AFF3: variants seen among roughly 807,000 people sequenced by gnomAD.
The protein encoded by AFF3 is AF4/FMR2 family member 3.
AFF3 carries 32 observed loss-of-function variants against 129.7 expected under a neutral mutation model. That is an observed-to-expected ratio of 0.25 (90% CI 0.19 to 0.33). The LOEUF is 0.33. Among genes scored for constraint, AFF3 ranks in the 10% least tolerant of loss-of-function variants. The pLI is 1.00. For missense variants in AFF3, 1,373 were observed against 1,592.0 expected, an observed-to-expected ratio of 0.86 and a Z score of 2.34; for synonymous variants, 644 against 635.4, an observed-to-expected ratio of 1.01 and a Z score of -0.20.
intron 8 of AFF3, among the ~76,000 whole-genome samples, chr2:99,766,290 T>C (rs1683009478): frequency 6.6e-6 from 1 of 152,232 alleles, no homozygotes; most frequent in African/African-American, 2.4e-5. Context: ...TTCAAATGTT[T>C]CCCAGCTAAA....
chr2:100,023,324 T>C (rs1354872694), intron 4 of AFF3, among the ~76,000 whole-genome samples: 1 of 151,876 alleles, frequency 6.6e-6, no homozygotes, highest in Non-Finnish European at 1.5e-5. Context: ...CCTCAAGGAG[T>C]AGATCAAGCT....
In AFF3 at chr2:99,625,565, T is replaced by C. The variant is rs544049551; in HGVS notation, c.1185-23944A>G. ...AACATTAAACCATGTGCAGGAGATT[T>C]CCTGCTTGAAATTTTGCAAAGTGTC... On this transcript the variant is annotated intron_variant, in intron 13 of 24. Transcript: ENST00000672756. 9.0e-4 allele frequency among the ~76,000 whole-genome samples: 137 copies of C among 152,292 alleles called. 2 individuals are homozygous for C. Among genetic ancestry groups the C allele is most frequent in the Admixed American group, 9.8e-4 (15 of 15,300 alleles).
intron 1 of AFF3, among the ~76,000 whole-genome samples, chr2:100,134,634 C>A (rs752523793): frequency 1.1e-4 from 17 of 152,198 alleles, no homozygotes; most frequent in Non-Finnish European, 2.2e-4. Flanking sequence ...TATTATCTCA[C>A]ATGACGATCC....
At chr2:99,552,394 A>G (rs568539459) in intron 24 of AFF3, among the ~76,000 whole-genome samples, 1 of 152,286 alleles carries the variant, frequency 6.6e-6, no homozygotes, top group African/African-American at 2.4e-5. Flanking sequence ...CGCCTCAAAA[A>G]CAAACAAATA....
intron 8 of AFF3, among the ~76,000 whole-genome samples, chr2:99,759,721 C>T (rs957783969): frequency 5.9e-5 from 9 of 152,058 alleles, no homozygotes; most frequent in Admixed American, 2.0e-4. Flanking sequence ...TAATGTAATG[C>T]AAATACAAAA....
chr2:99,753,400 G>A (rs928281901), intron 8 of AFF3, among the ~76,000 whole-genome samples: 8 of 152,122 alleles, frequency 5.3e-5, no homozygotes, highest in Admixed American at 2.0e-4. Context: ...GCGCCTGGCC[G>A]AACCCTATTT....
At chr2:99,708,303 T>C (rs1327510960) in intron 11 of AFF3, among the ~76,000 whole-genome samples, 1 of 152,178 alleles carries the variant, frequency 6.6e-6, no homozygotes, top group African/African-American at 2.4e-5. Context: ...ACTCCTATCC[T>C]CTTGAACGCT....
chr2:99,925,160 G>A (rs1696135108), intron 7 of AFF3, among the ~76,000 whole-genome samples: 1 of 152,098 alleles, frequency 6.6e-6, no homozygotes, highest in Non-Finnish European at 1.5e-5. Flanking sequence ...TTACAGGTGT[G>A]AGCTACCACA....
At chr2:99,781,767 T>C (rs1208994854) in intron 8 of AFF3, among the ~76,000 whole-genome samples, 1 of 151,912 alleles carries the variant, frequency 6.6e-6, no homozygotes, top group Non-Finnish European at 1.5e-5. Flanking sequence ...ATGAATGAAA[T>C]AAAAGAAGAA....
chr2:99,908,327 C>A (rs1694865571), intron 7 of AFF3, among the ~76,000 whole-genome samples: 1 of 152,066 alleles, frequency 6.6e-6, no homozygotes, highest in South Asian at 2.1e-4. Flanking sequence ...AAAATTAATT[C>A]AAGATGGATT....
chr2:100,094,096 T>G (rs115021034), intron 4 of AFF3, among the ~76,000 whole-genome samples: 4,524 of 152,328 alleles, frequency 0.03, 109 homozygotes, highest in Non-Finnish European at 0.05. Context: ...TGAATCCTCA[T>G]TTCTACTCCC....
chr2:99,990,269 T>C (rs1167170426), intron 7 of AFF3, among the ~76,000 whole-genome samples: 6 of 152,234 alleles, frequency 3.9e-5, no homozygotes, highest in African/African-American at 1.4e-4. Context: ...TCAGTATACA[T>C]ACTTACAATC....
chr2:99,548,028 C>A lies in AFF3; in HGVS notation c.*3446G>T, dbSNP rs1290658858. On this transcript the variant is annotated 3_prime_UTR_variant, in exon 25 of 25. Coordinates refer to ENST00000672756, the MANE Select transcript of AFF3 (RefSeq NM_001386135.1). Reference sequence around the variant, plus strand: ...ATGTTTCCAGAAATCTCTGTCTTAACCAAACCTCTCTCTCCAGGCACGATT... The same window carrying A: ...ATGTTTCCAGAAATCTCTGTCTTAAACAAACCTCTCTCTCCAGGCACGATT... 1 of 210,990 alleles carries A rather than the reference C, an allele frequency of 4.7e-6. No individual in the cohort carries two copies. Among genetic ancestry groups the A allele is most frequent in the Non-Finnish European group, 9.6e-6 (1 of 103,750 alleles). 13.1% of individuals were successfully genotyped at this position (210,990 alleles called of 1,614,324 possible). A position where few individuals can be genotyped will look rare whatever the true frequency, so the allele number is the denominator to read the frequency against.
intron 7 of AFF3, among the ~76,000 whole-genome samples, chr2:99,979,515 A>C (rs981940488): frequency 6.6e-6 from 1 of 152,064 alleles, no homozygotes; most frequent in African/African-American, 2.4e-5. Context: ...TTAAGTTAGA[A>C]ACAGGCAGGC....
At chr2:100,036,157 AAAAC>A (rs1684888819) in intron 4 of AFF3, among the ~76,000 whole-genome samples, 9 of 149,520 alleles carry the variant, frequency 6.0e-5, no homozygotes, top group Non-Finnish European at 1.2e-4. Context: ...AAAAAAAAAA[AAAAC>A]AACTTTCTCA....
intron 18 of AFF3, among the ~76,000 whole-genome samples, chr2:99,575,370 C>T (rs1184144606): frequency 6.6e-6 from 1 of 151,698 alleles, no homozygotes; most frequent in Non-Finnish European, 1.5e-5. Context: ...AGTGATTCTC[C>T]TGCCTCAGCC....
chr2:99,996,379 G>A (rs1316754116), intron 7 of AFF3, among the ~76,000 whole-genome samples: 1 of 152,010 alleles, frequency 6.6e-6, no homozygotes, highest in African/African-American at 2.4e-5. Flanking sequence ...AGAACCACAG[G>A]TGATTTTTTT....
chr2:100,121,520 C>A (rs556866685), intron 2 of AFF3, among the ~76,000 whole-genome samples: 1 of 152,314 alleles, frequency 6.6e-6, no homozygotes, highest in African/African-American at 2.4e-5. Context: ...ACCTGGCACA[C>A]GAAGTGCTCA....
intron 7 of AFF3, among the ~76,000 whole-genome samples, chr2:99,968,995 C>T (rs1179348848): frequency 6.6e-6 from 1 of 152,210 alleles, no homozygotes; most frequent in Non-Finnish European, 1.5e-5. Context: ...AGTGTGGCTG[C>T]AGAAAGAGCA....
Sources: gnomAD v4.1 joint callset for allele counts (sites outside exome capture counted in the v4.1 genomes callset) on GRCh38, gnomAD v4.1.1 for gene constraint, MANE v1.5 for transcripts, NCBI Gene and HGNC (gene_info 2026-07-23, HGNC 2026-07-21) for gene names.